FSIP2: variants seen among roughly 807,000 people sequenced by gnomAD.
FSIP2 encodes the protein fibrous sheath interacting protein 2, also known as fibrous sheath-interacting protein 2.
FSIP2 carries 367 observed loss-of-function variants against 510.5 expected under a neutral mutation model. That is an observed-to-expected ratio of 0.72 (90% CI 0.66 to 0.78). FSIP2 has a LOEUF of 0.78. Ranked by LOEUF, FSIP2 falls within the 30% of genes least tolerant of loss-of-function variation. FSIP2 has a pLI of 0.00. For missense variants in FSIP2, 7,594 were observed against 7,901.7 expected (o/e 0.96, Z 1.48); for synonymous variants, 2,601 against 2,732.2 (o/e 0.95, Z 1.50).
In FSIP2 at chr2:185,802,681, CTATA is replaced by C. The variant is rs1241931153; in HGVS notation, c.13378_13381del (p.Tyr4460ThrfsTer9). On this transcript the variant is annotated frameshift_variant, in exon 17 of 23. Transcript: ENST00000424728. LOFTEE classifies it high-confidence loss of function. ...TACTGAGCCAAGCCAGAGTGTACCT[CTATA>C]TAACACCTTGCTGCCATACACATTT... 2 of 1,531,534 alleles carry C rather than the reference CTATA, an allele frequency of 1.3e-6. No homozygotes were observed. The highest frequency in any genetic ancestry group is 4.0e-5 in the Admixed American group (2 of 50,372). 94.9% of individuals were successfully genotyped at this position (1,531,534 alleles called of 1,614,324 possible).
chr2:185,806,298 G>T lies in FSIP2; in HGVS notation c.16992G>T (p.Thr5664=). ...GGAGAAGAGACTCTCCAACACAAACGTGTAGGGATGAGGAACACCACTCAG... is the reference window on the plus strand; with the variant it reads ...GGAGAAGAGACTCTCCAACACAAACTTGTAGGGATGAGGAACACCACTCAG... ...NEGRRDSPTQ[T]CRDEEHHSDY... is the part of the protein sequence containing the mutation. Residue 5664 remains threonine, a synonymous_variant, in exon 17 of 23, where the codon ACG becomes ACT. Coordinates refer to ENST00000424728, the MANE Select transcript of FSIP2 (RefSeq NM_173651.4). 2 of 1,608,270 alleles carry T rather than the reference G, an allele frequency of 1.2e-6. No homozygotes were observed. Among genetic ancestry groups the T allele is most frequent in the Non-Finnish European group, 1.7e-6 (2 of 1,177,300 alleles).
At position 185,790,588 on chromosome 2, in the gene FSIP2, A is replaced by G; in HGVS notation, c.3452A>G (p.Gln1151Arg). 5.9e-6 allele frequency: 9 copies of G among 1,533,860 alleles called. No individual in the cohort carries two copies. Among genetic ancestry groups the G allele is most frequent in the Non-Finnish European group, 7.0e-6 (8 of 1,145,496 alleles). ...VSEKPQGLSH[Q>R]EWIDQMFSVS... ...GAAAAGCCTCAAGGACTGTCACATCAAGAATGGATAGACCAGATGTTTTCT... is the reference window on the plus strand; with the variant it reads ...GAAAAGCCTCAAGGACTGTCACATCGAGAATGGATAGACCAGATGTTTTCT... The change falls in exon 16 of 23, where the codon CAA (glutamine) becomes CGA (arginine). Residue 1151 changes from glutamine (Q) to arginine (R), a missense_variant. Gln to Arg is a conservative substitution (Grantham distance 43, BLOSUM62 1). Coordinates refer to ENST00000424728, the MANE Select transcript of FSIP2 (RefSeq NM_173651.4).
At chr2:185,827,089 C>T (rs1694023936) in intron 20 of FSIP2, among the ~76,000 whole-genome samples, 2 of 151,682 alleles carry the variant, frequency 1.3e-5, no homozygotes, top group African/African-American at 4.8e-5. Flanking sequence ...AATCATTGCC[C>T]TTGTAGTAAA....
chr2:185,773,375 T>C (rs933699334), intron 13 of FSIP2, among the ~76,000 whole-genome samples: 2 of 152,226 alleles, frequency 1.3e-5, no homozygotes, highest in African/African-American at 4.8e-5. Flanking sequence ...GTTATTCTAA[T>C]GAGGTTTTCT....
In FSIP2 at chr2:185,803,094, A is replaced by G. The variant is rs1473168114; in HGVS notation, c.13788A>G (p.Lys4596=). The change falls in exon 17 of 23, where the codon AAA becomes AAG. Residue 4596 remains lysine, a synonymous_variant. Coordinates refer to ENST00000424728, the MANE Select transcript of FSIP2 (RefSeq NM_173651.4). ...QKHLQPFVSG[K]SLSSSDTYFD... is the part of the protein sequence containing the mutation. ...ATCTTCAGCCATTTGTGAGTGGAAA[A>G]TCATTATCTTCATCAGACACATATT... 4 of 1,515,632 alleles carry G rather than the reference A, an allele frequency of 2.6e-6. No homozygotes were observed. In the African/African-American group the frequency reaches 5.6e-5, roughly 21 times the overall value. The allele number at this position is 1,515,632 out of a possible 1,614,324, so 93.9% of individuals were successfully genotyped here.
chr2:185,764,464 T>TTG, intron 12 of FSIP2, 38 bp from the exon 13 acceptor site: 1 of 1,324,326 alleles, frequency 7.6e-7, no homozygotes, highest in Admixed American at 2.2e-5. Context: ...AAATTTTTTT[T>TTG]TGTGGATCTA....
In FSIP2 at chr2:185,794,369, T is replaced by A; in HGVS notation, c.7233T>A (p.Phe2411Leu). The change falls in exon 16 of 23, where the codon TTT becomes TTA. Residue 2411 changes from phenylalanine to leucine, a missense_variant. Physicochemically the swap from Phe to Leu is conservative, Grantham distance 22. Coordinates refer to ENST00000424728, the MANE Select transcript of FSIP2 (RefSeq NM_173651.4). ...AAAGATCTGTAAAGGAAATTTGTTTTAATTCAAAAGAAAATTCTAACTTTT... is the reference window on the plus strand; with the variant it reads ...AAAGATCTGTAAAGGAAATTTGTTTAAATTCAAAAGAAAATTCTAACTTTT... ...DDKRSVKEICFNSKENSNFSQ... is the reference protein window; with the variant it reads ...DDKRSVKEICLNSKENSNFSQ... 1 of 1,517,448 alleles carries A rather than the reference T, an allele frequency of 6.6e-7. No homozygotes were observed. The highest frequency in any genetic ancestry group is 8.8e-7 in the Non-Finnish European group (1 of 1,139,112). The allele number at this position is 1,517,448 out of a possible 1,614,324, so 94.0% of individuals were successfully genotyped here.
In FSIP2 at chr2:185,761,014, C is replaced by G. The variant is rs1199667952; in HGVS notation, c.1105C>G (p.Arg369Gly). ...HGHTANAAHQRQNSSNNFTKK... is the reference protein window; with the variant it reads ...HGHTANAAHQGQNSSNNFTKK... ...ACATACAGCAAATGCTGCTCATCAG[C>G]GTCAAAATAGTTCAAATAATTTTAC... Residue 369 changes from arginine to glycine, a missense_variant, in exon 10 of 23, where the codon CGT becomes GGT. Transcript: ENST00000424728. The G allele has an allele frequency of 6.7e-7, 1 of 1,493,650 alleles. No individual in the cohort carries two copies. The highest frequency in any genetic ancestry group is 2.5e-5 in the East Asian group (1 of 40,134). 92.5% of individuals were successfully genotyped at this position (1,493,650 alleles called of 1,614,324 possible). A position where few individuals can be genotyped will look rare whatever the true frequency, so the allele number is the denominator to read the frequency against.
chr2:185,802,263 G>T lies in FSIP2; in HGVS notation c.12957G>T (p.Lys4319Asn), dbSNP rs190587693. The change falls in exon 17 of 23, where the codon AAG (lysine) becomes AAT (asparagine). Residue 4319 changes from lysine (K) to asparagine (N), a missense_variant. By Grantham distance (94) the Lys-to-Asn change is moderately conservative (BLOSUM62 0). Coordinates refer to ENST00000424728, the MANE Select transcript of FSIP2 (RefSeq NM_173651.4). ...AGATTGTTGCCAGACTTTTGTCAAA[G>T]ATTTTCAGCCCAAAGCATAACACTG... ...VREIVARLLSKIFSPKHNTEI... is the reference protein window; with the variant it reads ...VREIVARLLSNIFSPKHNTEI... The T allele has an allele frequency of 3.3e-6, 5 of 1,533,614 alleles. No homozygotes were observed. The African/African-American group carries it at 5.5e-5, about 17-fold the overall frequency.
rs1693787906 is a variant in FSIP2 at position 185,814,024 on chromosome 2, G to A, written c.20307G>A (p.Glu6769=). 6.2e-7 allele frequency: 1 copy of A among 1,612,024 alleles called. No homozygotes were observed. The highest frequency in any genetic ancestry group is 1.1e-5 in the South Asian group (1 of 90,924). ...CTGAAACAGCCTCTTCATCTTGGGAGGAAAAGCCCCAGTGTAAGGTAAGTG... is the reference window on the plus strand; with the variant it reads ...CTGAAACAGCCTCTTCATCTTGGGAAGAAAAGCCCCAGTGTAAGGTAAGTG... ...TMPETASSSW[E]EKPQCKKEEK... The change falls in exon 18 of 23, where the codon GAG becomes GAA. Residue 6769 remains glutamate, a synonymous_variant. Transcript: ENST00000424728.
intron 13 of FSIP2, among the ~76,000 whole-genome samples, chr2:185,772,774 T>G (rs1240764897): frequency 6.6e-6 from 1 of 152,104 alleles, no homozygotes; most frequent in African/African-American, 2.4e-5. Context: ...GAATATCACC[T>G]GAGTTTAGAA....
Position 185,804,152 on chromosome 2 carries a change from T to C in FSIP2, c.14846T>C (p.Leu4949Ser), listed in dbSNP as rs1300878492. Residue 4949 changes from leucine (L) to serine (S), a missense_variant, in exon 17 of 23, where the codon TTG becomes TCG. Physicochemically the swap from Leu to Ser is moderately radical, Grantham distance 145. Transcript: ENST00000424728. ...LSFIVNSSVF[L>S]EEVISELLCK... ...TTTATTGTGAACTCATCTGTCTTTT[T>C]GGAGGAAGTAATTTCTGAGCTCTTA... 3 of 1,511,778 alleles carry C rather than the reference T, an allele frequency of 2.0e-6. No individual in the cohort carries two copies. The highest frequency in any genetic ancestry group is 2.6e-6 in the Non-Finnish European group (3 of 1,136,366). 93.6% of individuals were successfully genotyped at this position (1,511,778 alleles called of 1,614,324 possible).
chr2:185,823,132 T>A (rs1294657874), intron 19 of FSIP2, among the ~76,000 whole-genome samples: 1 of 151,916 alleles, frequency 6.6e-6, no homozygotes, highest in African/African-American at 2.4e-5. Flanking sequence ...AAAAGGCTTC[T>A]TGACATTGGA....
At position 185,795,668 on chromosome 2, in the gene FSIP2, G is replaced by A. The variant is rs1288960334; in HGVS notation, c.8532G>A (p.Trp2844Ter). Residue 2844 changes from tryptophan to a stop codon, truncating the protein, a stop_gained, in exon 16 of 23, where the codon TGG (tryptophan) becomes TGA (stop). Coordinates refer to ENST00000424728, the MANE Select transcript of FSIP2 (RefSeq NM_173651.4). LOFTEE classifies it high-confidence loss of function. ...TATTTAAAAAATTGTTTGACAAGTG[G>A]CAAACAGAATCAAATGACAAGGAAA... Reference protein sequence around the residue: ...EGIFKKLFDKWQTESNDKENE... With the variant: ...EGIFKKLFDK 2 of 1,532,826 alleles carry A rather than the reference G, an allele frequency of 1.3e-6. No individual in the cohort carries two copies. Among genetic ancestry groups the A allele is most frequent in the African/African-American group, 2.7e-5 (2 of 72,824 alleles). 95.0% of individuals were successfully genotyped at this position (1,532,826 alleles called of 1,614,324 possible).
Position 185,795,822 on chromosome 2 carries a change from T to C in FSIP2, c.8686T>C (p.Tyr2896His). 2.0e-6 allele frequency: 3 copies of C among 1,534,048 alleles called. No homozygotes were observed. The highest frequency in any genetic ancestry group is 1.7e-4 in the Middle Eastern group (1 of 5,984). The change falls in exon 16 of 23, where the codon TAT becomes CAT. Residue 2896 changes from tyrosine to histidine, a missense_variant. Tyr to His is a moderately conservative substitution (Grantham distance 83). Coordinates refer to ENST00000424728, the MANE Select transcript of FSIP2 (RefSeq NM_173651.4). ...TCTTGAGAATTGTGAAAGCAGGTTT[T>C]ATAATCATTTTAAAGGAGCTTCTAC... ...PPLENCESRF[Y>H]NHFKGASTRA...
chr2:185,754,348 C>T lies in FSIP2; in HGVS notation c.991+506C>T, dbSNP rs1210592447. On this transcript the variant is annotated intron_variant, in intron 8 of 22. Coordinates refer to ENST00000424728, the MANE Select transcript of FSIP2 (RefSeq NM_173651.4). ...TAAAATTACAATGGGTTTTTCGCTT[C>T]GATATTAGATAAAATTTCATGGCCA... Among the ~76,000 whole-genome samples, 5 of 151,388 alleles carry T rather than the reference C, an allele frequency of 3.3e-5. No homozygotes were observed. The East Asian group carries it at 5.9e-4, about 18-fold the overall frequency.
In FSIP2 at chr2:185,782,899, A is replaced by AGACT. The variant is rs1037678020; in HGVS notation, c.1469+138_1469+141dup. On this transcript the variant is annotated intron_variant, in intron 14 of 22. Coordinates refer to ENST00000424728, the MANE Select transcript of FSIP2 (RefSeq NM_173651.4). ...GATTTAGTGAAACTTAGTCTTTTGC[A>AGACT]GACTTTCAGCACTAAGCTTAAATTG... 7 of 625,298 alleles carry AGACT rather than the reference A, an allele frequency of 1.1e-5. No homozygotes were observed. In the African/African-American group the frequency reaches 1.3e-4, roughly 11 times the overall value. The allele number at this position is 625,298 out of a possible 1,614,324, so 38.7% of individuals were successfully genotyped here.
Position 185,801,778 on chromosome 2 carries a change from C to T in FSIP2, c.12472C>T (p.Pro4158Ser), listed in dbSNP as rs1334022890. ...RRLLSQLIPP[P>S]ITCSSLGKKY... Reference sequence around the variant, plus strand: ...GCTTTTATCTCAGCTAATTCCTCCACCCATTACATGTTCCTCTTTAGGAAA... The same window carrying T: ...GCTTTTATCTCAGCTAATTCCTCCATCCATTACATGTTCCTCTTTAGGAAA... Residue 4158 changes from proline to serine, a missense_variant, in exon 17 of 23, where the codon CCC becomes TCC. Transcript: ENST00000424728. 6.6e-7 allele frequency: 1 copy of T among 1,509,134 alleles called. No individual in the cohort carries two copies. The highest frequency in any genetic ancestry group is 1.4e-5 in the African/African-American group (1 of 71,564). 93.5% of individuals were successfully genotyped at this position (1,509,134 alleles called of 1,614,324 possible). A position where few individuals can be genotyped will look rare whatever the true frequency, so the allele number is the denominator to read the frequency against.
chr2:185,785,536 C>T (rs999745109), intron 14 of FSIP2, among the ~76,000 whole-genome samples: 8 of 151,720 alleles, frequency 5.3e-5, no homozygotes, highest in Admixed American at 4.6e-4. Flanking sequence ...CAAAAATATA[C>T]AAAAATAAAT....
Sources: gnomAD v4.1 joint callset for allele counts (sites outside exome capture counted in the v4.1 genomes callset) on GRCh38, gnomAD v4.1.1 for gene constraint, MANE v1.5 for transcripts, NCBI Gene and HGNC (gene_info 2026-07-23, HGNC 2026-07-21) for gene names.